TCF7L2: variants seen among roughly 807,000 people sequenced by gnomAD.
The protein encoded by TCF7L2 is transcription factor 7-like 2.
In TCF7L2, 23 loss-of-function variants were observed where a neutral mutation model predicts 77.9. That is an observed-to-expected ratio of 0.30 (90% CI 0.21 to 0.42). The LOEUF is 0.42. Ranked by LOEUF, TCF7L2 falls within the 10% of genes least tolerant of loss-of-function variation. The pLI is 1.00. For missense variants in TCF7L2, 654 were observed against 793.1 expected (o/e 0.82, Z 2.11); for synonymous variants, 413 against 340.2 (o/e 1.21, Z -2.36).
chr10:112,961,795 G>C (rs2035299608), intron 3 of TCF7L2, among the ~76,000 whole-genome samples: 1 of 150,856 alleles, frequency 6.6e-6, no homozygotes, highest in South Asian at 2.1e-4. Flanking sequence ...GAGGTTTTCT[G>C]TGTCGCTGGG....
intron 4 of TCF7L2, among the ~76,000 whole-genome samples, chr10:112,991,262 G>A (rs1398952536): frequency 6.6e-6 from 1 of 151,910 alleles, no homozygotes; most frequent in African/African-American, 2.4e-5. Flanking sequence ...GGGCGCGGTG[G>A]CTCATGCCTA....
intron 5 of TCF7L2, among the ~76,000 whole-genome samples, chr10:113,044,622 C>T (rs766504789): frequency 1.5e-4 from 23 of 152,280 alleles, no homozygotes; most frequent in Non-Finnish European, 2.5e-4. Context: ...GACCTGATTT[C>T]GGCTGAGAAG....
intron 5 of TCF7L2, among the ~76,000 whole-genome samples, chr10:113,100,256 A>G (rs112445455): frequency 0.015 from 2,249 of 152,314 alleles, 56 homozygotes; most frequent in African/African-American, 0.051. Flanking sequence ...GCCAGGAAAC[A>G]AGTTGCTTTT....
chr10:113,152,506 G>T, intron 11 of TCF7L2, 66 bp downstream of exon 11: 1 of 1,383,576 alleles, frequency 7.2e-7, no homozygotes, highest in South Asian at 1.3e-5. Flanking sequence ...TACGGACAAA[G>T]AGAACAGGAC....
At chr10:113,140,917 C>T (rs1414568105) in intron 5 of TCF7L2, among the ~76,000 whole-genome samples, 1 of 152,120 alleles carries the variant, frequency 6.6e-6, no homozygotes, top group Non-Finnish European at 1.5e-5. Context: ...TCTTGGGCTC[C>T]ATAATGGGGT....
At chr10:112,991,086 G>C (rs1417469752) in intron 4 of TCF7L2, among the ~76,000 whole-genome samples, 2 of 152,144 alleles carry the variant, frequency 1.3e-5, no homozygotes, top group South Asian at 2.1e-4. Flanking sequence ...AAAGTTGTGG[G>C]CCAGACTCGG....
chr10:113,043,338 T>C (rs376890921), intron 5 of TCF7L2, among the ~76,000 whole-genome samples: 138 of 152,380 alleles, frequency 9.1e-4, no homozygotes, highest in African/African-American at 3.1e-3. Context: ...AAACGATTGA[T>C]GTGTAGAATA....
intron 4 of TCF7L2, among the ~76,000 whole-genome samples, chr10:112,978,023 G>A (rs1250457986): frequency 6.6e-6 from 1 of 152,160 alleles, no homozygotes; most frequent in African/African-American, 2.4e-5. Context: ...AAACCCGTAT[G>A]GGCTCTGCTA....
At chr10:113,147,624 A>G (rs1158143417) in intron 8 of TCF7L2, among the ~76,000 whole-genome samples, 1 of 152,208 alleles carries the variant, frequency 6.6e-6, no homozygotes, top group Non-Finnish European at 1.5e-5. Context: ...TCCCAGGTGG[A>G]GAGCACCCAG....
At chr10:113,031,943 T>C (rs1056036662) in intron 4 of TCF7L2, among the ~76,000 whole-genome samples, 1 of 152,168 alleles carries the variant, frequency 6.6e-6, no homozygotes, top group Non-Finnish European at 1.5e-5. Context: ...ATCCATGCAT[T>C]GGAGTAGAAA....
At chr10:113,111,722 G>T (rs1331057832) in intron 5 of TCF7L2, among the ~76,000 whole-genome samples, 1 of 152,050 alleles carries the variant, frequency 6.6e-6, no homozygotes, top group Non-Finnish European at 1.5e-5. Flanking sequence ...AGTCCAGGAG[G>T]TGGAGGCTGT....
chr10:113,010,730 T>A (rs1192126400), intron 4 of TCF7L2, among the ~76,000 whole-genome samples: 2 of 152,214 alleles, frequency 1.3e-5, no homozygotes, highest in Non-Finnish European at 2.9e-5. Flanking sequence ...GTTAAGAAAT[T>A]AGGCTGGGCG....
At chr10:112,985,876 G>T (rs2041418874) in intron 4 of TCF7L2, among the ~76,000 whole-genome samples, 1 of 152,026 alleles carries the variant, frequency 6.6e-6, no homozygotes, top group Non-Finnish European at 1.5e-5. Flanking sequence ...GTGTGTGTGT[G>T]TGTGTGTGTG....
At chr10:113,036,125 CATCAT>C (rs1564810823) in intron 4 of TCF7L2, among the ~76,000 whole-genome samples, 7 of 59,004 alleles carry the variant, frequency 1.2e-4, no homozygotes, top group African/African-American at 7.8e-4. Flanking sequence ...CCATCATCAT[CATCAT>C]CATCATCATC....
intron 3 of TCF7L2, among the ~76,000 whole-genome samples, chr10:112,961,579 G>A (rs2035249684): frequency 6.6e-6 from 1 of 152,174 alleles, no homozygotes; most frequent in Admixed American, 6.5e-5. Flanking sequence ...AGCAGTGAAA[G>A]TATGCATTTT....
intron 5 of TCF7L2, among the ~76,000 whole-genome samples, chr10:113,121,291 G>A (rs1046226945): frequency 3.3e-5 from 5 of 152,182 alleles, no homozygotes; most frequent in Non-Finnish European, 7.4e-5. Context: ...TCTCCTAGCT[G>A]TCTGTGAGGA....
Position 113,018,444 on chromosome 10 carries a change from CTTTTT to C in TCF7L2, c.451-21560_451-21556del, listed in dbSNP as rs35916053. ...GTCCTTGCAGGCTTTCTCCTGAGTC[CTTTTT>C]TTTTTTTTTTTTTTTTTTTTAAAGA... On this transcript the variant is annotated intron_variant, in intron 4 of 13. Transcript: ENST00000627217. Among the ~76,000 whole-genome samples, 10 of 92,548 alleles carry C rather than the reference CTTTTT, an allele frequency of 1.1e-4. 1 individual carries two copies. Among genetic ancestry groups the C allele is most frequent in the Non-Finnish European group, 1.6e-4 (8 of 51,084 alleles). The allele number at this position is 92,548 out of a possible 152,430, so 60.7% of individuals were successfully genotyped here. A position where few individuals can be genotyped will look rare whatever the true frequency, so the allele number is the denominator to read the frequency against.
intron 5 of TCF7L2, among the ~76,000 whole-genome samples, chr10:113,068,387 C>T (rs1191086233): frequency 6.6e-6 from 1 of 152,160 alleles, no homozygotes; most frequent in Non-Finnish European, 1.5e-5. Context: ...ATCCAAAAGG[C>T]GGTTACCCAG....
chr10:113,001,062 G>A (rs1367840784), intron 4 of TCF7L2, among the ~76,000 whole-genome samples: 1 of 152,184 alleles, frequency 6.6e-6, no homozygotes, highest in Admixed American at 6.5e-5. Context: ...CTGGAGTCAG[G>A]AATGCTTCCT....
Sources: gnomAD v4.1 joint callset for allele counts (sites outside exome capture counted in the v4.1 genomes callset) on GRCh38, gnomAD v4.1.1 for gene constraint, MANE v1.5 for transcripts, NCBI Gene and HGNC (gene_info 2026-07-23, HGNC 2026-07-21) for gene names.